Variants in PLCB4 observed in about 807,000 individuals in gnomAD.
PLCB4 encodes the protein phospholipase C beta 4, also known as 1-phosphatidylinositol 4,5-bisphosphate phosphodiesterase beta-4.
A neutral mutation model predicts 178.8 loss-of-function variants in PLCB4; 77 were observed. The ratio of observed to expected loss-of-function variants is 0.43; its 90% CI spans 0.36 to 0.52. PLCB4 has a LOEUF of 0.52. Ranked by LOEUF, PLCB4 falls within the 20% of genes least tolerant of loss-of-function variation. The pLI is 0.00. For synonymous variants in PLCB4, 496 were observed against 490.8 expected, an observed-to-expected ratio of 1.01 and a Z score of -0.14; for missense variants, 1,024 against 1,453.4, an observed-to-expected ratio of 0.70 and a Z score of 4.80.
At chr20:9,342,832 T>C (rs1297308559) in intron 7 of PLCB4, among the ~76,000 whole-genome samples, 1 of 152,136 alleles carries the variant, frequency 6.6e-6, no homozygotes, top group Non-Finnish European at 1.5e-5. Context: ...TACATGGAAT[T>C]TGAGAAAAAT....
intron 2 of PLCB4, among the ~76,000 whole-genome samples, chr20:9,186,533 T>C (rs1238490719): frequency 6.6e-6 from 1 of 152,224 alleles, no homozygotes; most frequent in Non-Finnish European, 1.5e-5. Flanking sequence ...TTTTAATTTT[T>C]TGAAGTGGCT....
intron 3 of PLCB4, among the ~76,000 whole-genome samples, chr20:9,290,024 G>A (rs923976240): frequency 4.6e-5 from 7 of 152,024 alleles, no homozygotes; most frequent in African/African-American, 1.7e-4. Flanking sequence ...CATTACTGCA[G>A]AAGGTCCAGC....
At chr20:9,100,562 G>A (rs1437940529) in intron 2 of PLCB4, among the ~76,000 whole-genome samples, 2 of 152,106 alleles carry the variant, frequency 1.3e-5, no homozygotes, top group Admixed American at 1.3e-4. Context: ...ATACTTTAAT[G>A]GAAGAATACA....
Position 9,376,807 on chromosome 20 carries a change from A to T in PLCB4, c.745-3247A>T, listed in dbSNP as rs145224409. ...GGAGAGAGGGATAAAAACAAGGAAG[A>T]GAGGGAAAAGGCCTTAGGTGGCCAC... On this transcript the variant is annotated intron_variant, in intron 12 of 39. Coordinates refer to ENST00000378473, the MANE Select transcript of PLCB4 (RefSeq NM_001377142.1). 6.7e-3 allele frequency among the ~76,000 whole-genome samples: 1,018 copies of T among 152,248 alleles called. 3 individuals carry two copies. Among genetic ancestry groups the T allele is most frequent in the South Asian group, 9.5e-3 (46 of 4,824 alleles).
At chr20:9,232,170 G>A (rs1374337069) in intron 3 of PLCB4, among the ~76,000 whole-genome samples, 2 of 152,136 alleles carry the variant, frequency 1.3e-5, no homozygotes, top group African/African-American at 4.8e-5. Flanking sequence ...TTGAAGGAGG[G>A]TGATGACAAA....
At chr20:9,342,391 T>C (rs1055312607) in intron 7 of PLCB4, among the ~76,000 whole-genome samples, 2 of 152,170 alleles carry the variant, frequency 1.3e-5, no homozygotes, top group Non-Finnish European at 2.9e-5. Context: ...AACGTGAGTA[T>C]AGCCTAGGAG....
intron 35 of PLCB4, 86 bp from the exon 36 acceptor site, chr20:9,468,485 C>T: frequency 1.2e-6 from 1 of 807,774 alleles, no homozygotes; most frequent in Non-Finnish European, 2.1e-6. Flanking sequence ...AGAACTTTCT[C>T]ATTTTCCCCA....
intron 1 of PLCB4, among the ~76,000 whole-genome samples, chr20:9,094,013 C>T (rs904834939): frequency 1.3e-5 from 2 of 151,986 alleles, no homozygotes; most frequent in African/African-American, 2.4e-5. Flanking sequence ...ATATCTGTGG[C>T]CCCAAATCTT....
chr20:9,072,814 A>T (rs972041450), intron 1 of PLCB4, among the ~76,000 whole-genome samples: 1 of 152,222 alleles, frequency 6.6e-6, no homozygotes, highest in Admixed American at 6.5e-5. Context: ...GTTCCAGGGA[A>T]TGAATGACCA....
intron 2 of PLCB4, among the ~76,000 whole-genome samples, chr20:9,214,560 G>GACACACACACAC (rs11474652): frequency 8.4e-4 from 123 of 145,590 alleles, no homozygotes; most frequent in African/African-American, 2.8e-3. Context: ...AAACACCCCA[G>GACACACACACAC]ACACACACAC....
At chr20:9,147,416 A>G (rs2092617433) in intron 2 of PLCB4, among the ~76,000 whole-genome samples, 1 of 152,140 alleles carries the variant, frequency 6.6e-6, no homozygotes. Context: ...ACAAAACTGC[A>G]GTGGAATAGA....
Position 9,456,117 on chromosome 20 carries a change from T to G in PLCB4, c.2997-1297T>G, listed in dbSNP as rs535565185. Among the ~76,000 whole-genome samples the G allele has an allele frequency of 2.6e-5, 4 of 152,322 alleles. No individual in the cohort carries two copies. The South Asian group carries it at 8.3e-4, about 32-fold the overall frequency. On this transcript the variant is annotated intron_variant, in intron 33 of 39. Transcript: ENST00000378473. Reference sequence around the variant, plus strand: ...TCCCGAAGTGCTGGAATTACAAGCGTGAGCCACTGCACCCAGCCTTCCTGG... The same window carrying G: ...TCCCGAAGTGCTGGAATTACAAGCGGGAGCCACTGCACCCAGCCTTCCTGG...
chr20:9,116,270 T>C (rs948762506), intron 2 of PLCB4, among the ~76,000 whole-genome samples: 3 of 152,118 alleles, frequency 2.0e-5, no homozygotes, highest in Non-Finnish European at 4.4e-5. Flanking sequence ...GAAGTAACTT[T>C]TCAGAATTCT....
chr20:9,308,883 T>C (rs950850401), intron 4 of PLCB4, among the ~76,000 whole-genome samples: 4 of 152,258 alleles, frequency 2.6e-5, no homozygotes, highest in African/African-American at 7.2e-5. Context: ...GCTGTTCATA[T>C]GTCTGAAATT....
At chr20:9,437,530 A>G (rs2041849266) in intron 30 of PLCB4, among the ~76,000 whole-genome samples, 1 of 152,214 alleles carries the variant, frequency 6.6e-6, no homozygotes. Context: ...ACAAAGAATC[A>G]CGTGTCTCAT....
chr20:9,463,841 A>T (rs1170967537), intron 35 of PLCB4, among the ~76,000 whole-genome samples: 3 of 152,148 alleles, frequency 2.0e-5, no homozygotes, highest in Non-Finnish European at 4.4e-5. Flanking sequence ...GGAGACTTTA[A>T]CACCCCACTG....
intron 34 of PLCB4, among the ~76,000 whole-genome samples, chr20:9,458,219 T>C (rs1282984238): frequency 6.6e-6 from 1 of 152,234 alleles, no homozygotes; most frequent in African/African-American, 2.4e-5. Flanking sequence ...CCCTGCTGCA[T>C]GCATGGAGCA....
chr20:9,426,523 G>A (rs867538281), intron 28 of PLCB4, among the ~76,000 whole-genome samples: 3 of 152,022 alleles, frequency 2.0e-5, no homozygotes, highest in South Asian at 2.1e-4. Context: ...AACTACAGGC[G>A]TGCACCACTA....
At chr20:9,088,729 T>C in intron 1 of PLCB4, among the ~76,000 whole-genome samples, 1 of 152,290 alleles carries the variant, frequency 6.6e-6, no homozygotes, top group Admixed American at 6.5e-5. Flanking sequence ...TCAAAACTAC[T>C]GTTAGCCTTG....
Sources: gnomAD v4.1 joint callset for allele counts (sites outside exome capture counted in the v4.1 genomes callset) on GRCh38, gnomAD v4.1.1 for gene constraint, MANE v1.5 for transcripts, NCBI Gene and HGNC (gene_info 2026-07-23, HGNC 2026-07-21) for gene names.